SLC39A14: variants seen among roughly 807,000 people sequenced by gnomAD.
SLC39A14 encodes solute carrier family 39 member 14.
In SLC39A14, 19 loss-of-function variants were observed where a neutral mutation model predicts 45.5. That is an observed-to-expected ratio of 0.42 (90% CI 0.29 to 0.61). SLC39A14 has a LOEUF of 0.61. SLC39A14 is among the 20% of genes least tolerant of loss of function. The pLI is 0.22. For missense variants in SLC39A14, 447 were observed against 616.5 expected (o/e 0.73, Z 2.91); for synonymous variants, 264 against 251.3 (o/e 1.05, Z -0.48).
chr8:22,378,957 T>C (rs1833354262), intron 1 of SLC39A14, among the ~76,000 whole-genome samples: 1 of 152,188 alleles, frequency 6.6e-6, no homozygotes, highest in Non-Finnish European at 1.5e-5. Context: ...GACAGAAATG[T>C]ATTCTTATAG....
chr8:22,400,666 T>C (rs923252487), intron 1 of SLC39A14, among the ~76,000 whole-genome samples: 4 of 152,260 alleles, frequency 2.6e-5, no homozygotes, highest in Non-Finnish European at 5.9e-5. Context: ...CTCAAAAGTA[T>C]ATATTCCACT....
chr8:22,416,255 C>G lies in SLC39A14; in HGVS notation c.1122C>G (p.Leu374=). The change falls in exon 7 of 9, where the codon CTC becomes CTG. Residue 374 remains leucine, a synonymous_variant. Transcript: ENST00000381237. The part of the protein sequence containing the change: ...FQGISTSVAI[L]CEEFPHELGD... ...GCATCAGCACCTCGGTGGCCATCCT[C>G]TGTGAGGAGTTCCCACATGAGCTAG... The G allele has an allele frequency of 6.2e-7, 1 of 1,613,174 alleles. No homozygotes were observed. Among genetic ancestry groups the G allele is most frequent in the Non-Finnish European group, 8.5e-7 (1 of 1,180,004 alleles).
At chr8:22,379,927 C>CAAAAAAA (rs35093772) in intron 1 of SLC39A14, among the ~76,000 whole-genome samples, 1 of 87,934 alleles carries the variant, frequency 1.1e-5, no homozygotes, top group African/African-American at 4.1e-5. Context: ...GACTCCATCT[C>CAAAAAAA]AAAAAAAAAA....
downstream of SLC39A14, among the ~76,000 whole-genome samples, chr8:22,425,889 G>GTTTTTT (rs549782856): frequency 3.9e-5 from 3 of 76,268 alleles, no homozygotes; most frequent in Non-Finnish European, 3.1e-5. Context: ...GATGGTTTTT[G>GTTTTTT]TTTTTTTTTT....
intron 1 of SLC39A14, among the ~76,000 whole-genome samples, chr8:22,382,329 GA>G (rs1435425464): frequency 1.3e-5 from 2 of 152,166 alleles, no homozygotes; most frequent in Admixed American, 1.3e-4. Flanking sequence ...GTATTGGTGA[GA>G]ATCCTATGAA....
chr8:22,382,027 G>T (rs757413635), intron 1 of SLC39A14, among the ~76,000 whole-genome samples: 3 of 152,100 alleles, frequency 2.0e-5, no homozygotes, highest in Non-Finnish European at 4.4e-5. Flanking sequence ...TGTAATCCCA[G>T]CTACTTGGGA....
At chr8:22,418,540 T>C (rs1423743571) in intron 8 of SLC39A14, among the ~76,000 whole-genome samples, 1 of 152,032 alleles carries the variant, frequency 6.6e-6, no homozygotes, top group Admixed American at 6.6e-5. Context: ...GTCTTTTTCT[T>C]TAATTTTTTT....
chr8:22,423,882 A>C (rs57091422), downstream of SLC39A14, among the ~76,000 whole-genome samples: 7,763 of 151,838 alleles, frequency 0.051, 223 homozygotes, highest in South Asian at 0.099. Context: ...AGAGAGAGAG[A>C]GTGAGCTTGA....
Position 22,404,819 on chromosome 8 carries a change from G to A in SLC39A14, c.109G>A (p.Ala37Thr). Residue 37 changes from alanine (A) to threonine (T), a missense_variant, in exon 2 of 9, where the codon GCT (alanine) becomes ACT (threonine). This residue lies in a region of SLC39A14 where 342 missense variants were observed against 428.1 expected (regional missense o/e 0.80). Coordinates refer to ENST00000381237, the MANE Select transcript of SLC39A14 (RefSeq NM_001128431.4). ...TCACGCTTCATCCCTGGGTGCACCA[G>A]CTATCAGCGCTGCCTCCTTCCTGCA... ...EAHASSLGAPAISAASFLQDL... is the reference protein window; with the variant it reads ...EAHASSLGAPTISAASFLQDL... 1 of 1,613,592 alleles carries A rather than the reference G, an allele frequency of 6.2e-7. No homozygotes were observed. Among genetic ancestry groups the A allele is most frequent in the Non-Finnish European group, 8.5e-7 (1 of 1,179,536 alleles).
At chr8:22,426,668 A>G (rs903423804), downstream of SLC39A14, among the ~76,000 whole-genome samples, 3 of 152,074 alleles carry the variant, frequency 2.0e-5, no homozygotes, top group Admixed American at 6.6e-5. Context: ...TTGATGAAGT[A>G]ATTCTAAATG....
intron 1 of SLC39A14, among the ~76,000 whole-genome samples, chr8:22,376,334 A>ATTTTTTTTT (rs778041310): frequency 1.1e-4 from 13 of 122,426 alleles, no homozygotes; most frequent in African/African-American, 1.2e-4. Context: ...ACCACACCTA[A>ATTTTTTTTT]TTTTTTTTTT....
intron 1 of SLC39A14, among the ~76,000 whole-genome samples, chr8:22,381,739 T>C (rs974335579): frequency 6.6e-6 from 1 of 152,076 alleles, no homozygotes; most frequent in Admixed American, 6.6e-5. Context: ...TTAACAAAAT[T>C]AAAAGGCAAA....
chr8:22,419,801 A>C lies in SLC39A14; in HGVS notation c.*103A>C, dbSNP rs577829780. 6.8e-7 allele frequency: 1 copy of C among 1,460,068 alleles called. No homozygotes were observed. Among genetic ancestry groups the C allele is most frequent in the African/African-American group, 1.4e-5 (1 of 70,752 alleles). The allele number at this position is 1,460,068 out of a possible 1,614,324, so 90.4% of individuals were successfully genotyped here. Reference sequence around the variant, plus strand: ...AATGCACCACGGAAGAGGCCGTTCTATGAAAAACTGACACAGACTGTATTC... The same window carrying C: ...AATGCACCACGGAAGAGGCCGTTCTCTGAAAAACTGACACAGACTGTATTC... On this transcript the variant is annotated 3_prime_UTR_variant, in exon 9 of 9. Transcript: ENST00000381237.
intron 5 of SLC39A14, 48 bp downstream of exon 5, chr8:22,414,950 A>G: frequency 1.9e-6 from 3 of 1,597,456 alleles, no homozygotes; most frequent in African/African-American, 1.4e-5. Flanking sequence ...GAAAACACCC[A>G]TCTCAAACAA....
At chr8:22,408,761 T>C (rs1563577367) in intron 3 of SLC39A14, among the ~76,000 whole-genome samples, 2 of 152,094 alleles carry the variant, frequency 1.3e-5, no homozygotes, top group Non-Finnish European at 2.9e-5. Context: ...GGATCCCTTT[T>C]TGGTCTGCTT....
chr8:22,425,624 C>A (rs888362911), downstream of SLC39A14, among the ~76,000 whole-genome samples: 1 of 151,512 alleles, frequency 6.6e-6, no homozygotes, highest in African/African-American at 2.4e-5. Context: ...ATGCTTAGAA[C>A]TGCCAGCCAA....
chr8:22,404,426 CA>C (rs1338825974), intron 1 of SLC39A14: 6,732 of 118,328 alleles, frequency 0.057, 77 homozygotes, highest in African/African-American at 0.12. Flanking sequence ...TCTCCCGTCT[CA>C]AAAAAAAAAA....
At chr8:22,411,899 G>A (rs918068831) in intron 3 of SLC39A14, 138 bp from the exon 4 acceptor site, 24 of 716,586 alleles carry the variant, frequency 3.3e-5, no homozygotes, top group African/African-American at 1.1e-4. Context: ...TTTTTGTTCC[G>A]TTAATATCCA....
chr8:22,369,500 G>T (rs935931678), intron 1 of SLC39A14, among the ~76,000 whole-genome samples: 3 of 152,234 alleles, frequency 2.0e-5, no homozygotes, highest in African/African-American at 7.2e-5. Context: ...ACCATGGCGG[G>T]TGCACGCAGA....
Sources: allele counts gnomAD v4.1 joint callset (sites outside exome capture counted in the v4.1 genomes callset), GRCh38; gene constraint gnomAD v4.1.1; regional missense constraint gnomAD v4.1.1; transcripts MANE v1.5; gene names NCBI Gene and HGNC (gene_info 2026-07-23, HGNC 2026-07-21).